The following PPP1R1C variants were observed in gnomAD, a reference collection of about 807,000 sequenced individuals.
PPP1R1C encodes the protein protein phosphatase 1 regulatory inhibitor subunit 1C.
In PPP1R1C, 15 loss-of-function variants were observed where a neutral mutation model predicts 17.4. The ratio of observed to expected loss-of-function variants is 0.86; its 90% confidence interval spans 0.58 to 1.33. The LOEUF (loss-of-function observed/expected upper bound fraction) is 1.33, where lower values mean the gene tolerates loss of function less well. Ranked by LOEUF, PPP1R1C falls within the 40% of genes most tolerant of loss-of-function variation. The pLI is 0.00. For missense variants in PPP1R1C, 143 were observed against 130.0 expected, an observed-to-expected ratio of 1.10 and a Z score of -0.48; for synonymous variants, 35 against 43.1, an observed-to-expected ratio of 0.81 and a Z score of 0.73.
intron 4 of PPP1R1C, among the ~76,000 whole-genome samples, chr2:182,066,144 T>C (rs574606798): frequency 6.6e-6 from 1 of 152,116 alleles, no homozygotes; most frequent in East Asian, 1.9e-4. Flanking sequence ...TGTTGGCAAA[T>C]AGTGAGCTGA....
intron 5 of PPP1R1C, among the ~76,000 whole-genome samples, chr2:182,126,890 G>A (rs1373853205): frequency 6.6e-6 from 1 of 151,916 alleles, no homozygotes; most frequent in Non-Finnish European, 1.5e-5. Flanking sequence ...TGGAGACAAG[G>A]GAAAAATTCT....
intron 2 of PPP1R1C, among the ~76,000 whole-genome samples, chr2:182,059,661 A>G (rs1687792825): frequency 1.3e-5 from 2 of 152,030 alleles, no homozygotes; most frequent in African/African-American, 4.8e-5. Context: ...ATAAGACTGA[A>G]TTTTTTTAAT....
intron 1 of PPP1R1C, among the ~76,000 whole-genome samples, chr2:181,973,857 T>G (rs1685052678): frequency 6.6e-6 from 1 of 152,214 alleles, no homozygotes; most frequent in African/African-American, 2.4e-5. Context: ...ATATTTAATT[T>G]AAATTTACAT....
chr2:181,989,371 G>A (rs187171274), intron 2 of PPP1R1C, among the ~76,000 whole-genome samples: 5 of 152,328 alleles, frequency 3.3e-5, no homozygotes, highest in South Asian at 4.1e-4. Flanking sequence ...GTGTGTATCA[G>A]AGAGGTGAAG....
At chr2:182,118,699 T>C (rs1689652841), downstream of PPP1R1C, among the ~76,000 whole-genome samples, 1 of 152,078 alleles carries the variant, frequency 6.6e-6, no homozygotes, top group African/African-American at 2.4e-5. Context: ...TTAGTATTTT[T>C]CCCCAAGAAA....
intron 2 of PPP1R1C, among the ~76,000 whole-genome samples, chr2:182,044,463 C>G (rs547433570): frequency 6.6e-6 from 1 of 152,188 alleles, no homozygotes; most frequent in Non-Finnish European, 1.5e-5. Context: ...GCTGTTTCAT[C>G]TGATGAAAAT....
At chr2:181,964,524 G>GT (rs762065352) in intron 1 of PPP1R1C, among the ~76,000 whole-genome samples, 271 of 152,178 alleles carry the variant, frequency 1.8e-3, no homozygotes, top group Non-Finnish European at 3.2e-3. Context: ...CTATTTTTTA[G>GT]TTTTTTAAGG....
At chr2:181,960,539 A>G (rs151242120) in intron 1 of PPP1R1C, among the ~76,000 whole-genome samples, 3,497 of 152,342 alleles carry the variant, frequency 0.023, 62 homozygotes, top group Middle Eastern at 0.037. Flanking sequence ...TCAATGTCAC[A>G]TGAAACGTTT....
rs1195591526 is a variant in PPP1R1C at position 181,992,361 on chromosome 2, A to G, written c.142+4462A>G. Among the ~76,000 whole-genome samples, 9 of 134,858 alleles carry G rather than the reference A, an allele frequency of 6.7e-5. 2 individuals carry two copies. In the South Asian group the frequency reaches 1.2e-3, roughly 19 times the overall value. 88.5% of individuals were successfully genotyped at this position (134,858 alleles called of 152,430 possible). A position where few individuals can be genotyped will look rare whatever the true frequency, so the allele number is the denominator to read the frequency against. ...GAATGATTATTTTCTTTTATTCTCA[A>G]TCTCCCTAAGGGCTTTAATAAACTC... On this transcript the variant is annotated intron_variant, in intron 2 of 4. Coordinates refer to ENST00000682840, the MANE Select transcript of PPP1R1C (RefSeq NM_001080545.3).
chr2:182,113,068 G>A (rs887661248), intron 4 of PPP1R1C, among the ~76,000 whole-genome samples: 2 of 152,076 alleles, frequency 1.3e-5, no homozygotes, highest in Non-Finnish European at 2.9e-5. Flanking sequence ...GCAAGGTTAC[G>A]TGTTCACCCT....
intron 1 of PPP1R1C, among the ~76,000 whole-genome samples, chr2:181,958,813 T>C (rs1684712218): frequency 6.6e-6 from 1 of 152,260 alleles, no homozygotes; most frequent in South Asian, 2.1e-4. Context: ...GGGTGGTCAT[T>C]CTTTTTCATT....
At chr2:182,122,475 A>G (rs904392323), downstream of PPP1R1C, among the ~76,000 whole-genome samples, 5 of 152,192 alleles carry the variant, frequency 3.3e-5, no homozygotes, top group Admixed American at 1.3e-4. Context: ...GTTTATTTAA[A>G]GAAAAATTTA....
chr2:182,072,612 T>A (rs1688172942), intron 4 of PPP1R1C, among the ~76,000 whole-genome samples: 1 of 152,168 alleles, frequency 6.6e-6, no homozygotes, highest in South Asian at 2.1e-4. Flanking sequence ...TGAAGTTTTG[T>A]TAGAATAGCA....
At chr2:182,068,711 G>A (rs112713685) in intron 4 of PPP1R1C, among the ~76,000 whole-genome samples, 37 of 152,232 alleles carry the variant, frequency 2.4e-4, no homozygotes, top group Non-Finnish European at 4.6e-4. Flanking sequence ...CAATTAATAA[G>A]CCTTGCAGTT....
intron 2 of PPP1R1C, among the ~76,000 whole-genome samples, chr2:182,025,894 C>T (rs1296859866): frequency 2.3e-3 from 324 of 143,464 alleles, no homozygotes; most frequent in African/African-American, 8.0e-3. Context: ...TTTTAATGAT[C>T]GCCATTCTAA....
At chr2:182,063,910 A>G (rs1469992837) in intron 4 of PPP1R1C, 119 bp downstream of exon 4, 2 of 795,688 alleles carry the variant, frequency 2.5e-6, no homozygotes, top group Admixed American at 1.8e-5. Context: ...TCTACAACTT[A>G]ACAGTGTTAT....
At chr2:182,117,787 A>AACAG (rs1189884785), downstream of PPP1R1C, 2 of 152,538 alleles carry the variant, frequency 1.3e-5, no homozygotes, top group African/African-American at 4.8e-5. Context: ...CTGTATTCAG[A>AACAG]ACAGAACACA....
Position 181,957,842 on chromosome 2 carries a change from C to T in PPP1R1C, n.111+3208C>T, listed in dbSNP as rs1033299542. 2.0e-5 allele frequency among the ~76,000 whole-genome samples: 3 copies of T among 152,132 alleles called. No homozygotes were observed. The highest frequency in any genetic ancestry group is 2.9e-5 in the Non-Finnish European group (2 of 68,032). On this transcript the variant is annotated intron_variant and non_coding_transcript_variant, in intron 1 of 5. Transcript: ENST00000464264. This position sits in a 1 kb window ranked among gnomAD's most constrained non-coding sequence, Gnocchi z 4.2. ...AGGGTCTTGTTGGATGACTGCATTG[C>T]TAATCTTGCCATTGCATTTCGCTAA... is the stretch of plus-strand genomic sequence containing the variant.
In PPP1R1C at chr2:181,961,432, G is replaced by T; in HGVS notation, n.111+6798G>T. 1.3e-6 allele frequency: 1 copy of T among 780,896 alleles called. No homozygotes were observed. The highest frequency in any genetic ancestry group is 2.2e-6 in the Non-Finnish European group (1 of 455,294). The allele number at this position is 780,896 out of a possible 1,614,324, so 48.4% of individuals were successfully genotyped here. ...GTGCTGTCCCTCTGCCCGGCTCTGT[G>T]CCATCTCTGACTCCAGGTGCAGCAG... is the stretch of plus-strand genomic sequence containing the variant. On this transcript the variant is annotated intron_variant and non_coding_transcript_variant, in intron 1 of 5. Coordinates refer to the PPP1R1C transcript ENST00000464264. The surrounding 1 kb of genome is among the most constrained non-coding windows in gnomAD (Gnocchi z 5.8).
Sources: gnomAD v4.1 joint callset for allele counts (sites outside exome capture counted in the v4.1 genomes callset) on GRCh38, gnomAD v4.1.1 for gene constraint, Gnocchi (gnomAD v3.1) non-coding constraint, MANE v1.5 for transcripts, NCBI Gene and HGNC (gene_info 2026-07-23, HGNC 2026-07-21) for gene names.